The following DENND2B variants were observed in gnomAD, a reference collection of about 807,000 sequenced individuals.
The protein encoded by DENND2B is DENN domain-containing protein 2B.
DENND2B carries 32 observed loss-of-function variants against 116.0 expected under a neutral mutation model. The ratio of observed to expected loss-of-function variants is 0.28; its 90% CI spans 0.21 to 0.37. DENND2B has a LOEUF of 0.37. Among genes scored for constraint, DENND2B ranks in the 10% least tolerant of loss-of-function variants. The pLI, the probability that DENND2B is intolerant of heterozygous loss-of-function variation, is 1.00. For missense variants in DENND2B, 1,276 were observed against 1,477.7 expected (o/e 0.86, Z 2.24); for synonymous variants, 588 against 583.9 (o/e 1.01, Z -0.10).
chr11:8,872,456 C>T (rs1327528997), upstream of DENND2B, among the ~76,000 whole-genome samples: 1 of 145,362 alleles, frequency 6.9e-6, no homozygotes, highest in African/African-American at 2.5e-5. Flanking sequence ...CACTGCATTC[C>T]AGCCTGGGCA....
At chr11:8,833,459 C>T (rs2062296353) in intron 4 of DENND2B, among the ~76,000 whole-genome samples, 3 of 151,958 alleles carry the variant, frequency 2.0e-5, no homozygotes, top group African/African-American at 7.3e-5. Flanking sequence ...CCAGATGACA[C>T]TTCCCCTTCT....
chr11:8,836,133 G>T (rs889527866), intron 4 of DENND2B, among the ~76,000 whole-genome samples: 1 of 146,358 alleles, frequency 6.8e-6, no homozygotes, highest in African/African-American at 2.5e-5. Flanking sequence ...GGATCAGGAG[G>T]TCAGAATTTG....
Position 8,710,710 on chromosome 11 carries a change from G to C in DENND2B, c.2352+135C>G, listed in dbSNP as rs944671036. 9 of 935,154 alleles carry C rather than the reference G, an allele frequency of 9.6e-6. No individual in the cohort carries two copies. In the African/African-American group the frequency reaches 1.5e-4, roughly 16 times the overall value. 57.9% of individuals were successfully genotyped at this position (935,154 alleles called of 1,614,324 possible). On this transcript the variant is annotated intron_variant, in intron 11 of 19. Transcript: ENST00000313726. ...GGCAGGGGGTTCGGGGTGGCCTCAG[G>C]AAGCATAACATAGGATTTCATACAA... is the stretch of plus-strand genomic sequence containing the variant.
At chr11:8,855,418 A>G (rs926984278) in intron 3 of DENND2B, among the ~76,000 whole-genome samples, 2 of 150,648 alleles carry the variant, frequency 1.3e-5, no homozygotes. Context: ...ATTTAGCCTG[A>G]TGGATCATGA....
intron 4 of DENND2B, among the ~76,000 whole-genome samples, chr11:8,821,235 G>A (rs1314051495): frequency 1.3e-5 from 2 of 151,638 alleles, no homozygotes; most frequent in African/African-American, 4.8e-5. Context: ...AGAAAAGAGG[G>A]TGGGAGGAAA....
chr11:8,851,143 A>C (rs1331261531), intron 3 of DENND2B, among the ~76,000 whole-genome samples: 1 of 152,174 alleles, frequency 6.6e-6, no homozygotes, highest in African/African-American at 2.4e-5. Flanking sequence ...ATAACAATAC[A>C]TCACATACTT....
intron 1 of DENND2B, among the ~76,000 whole-genome samples, chr11:8,899,254 G>A (rs1337187368): frequency 6.6e-6 from 1 of 151,724 alleles, no homozygotes; most frequent in African/African-American, 2.4e-5. Context: ...TATAAGGAGA[G>A]TCCCAGAAAA....
At chr11:8,819,134 C>G (rs2134538193) in intron 4 of DENND2B, among the ~76,000 whole-genome samples, 1 of 152,120 alleles carries the variant, frequency 6.6e-6, no homozygotes, top group East Asian at 1.9e-4. Flanking sequence ...GTGGCTCATG[C>G]CTGTAATTCC....
chr11:8,730,332 A>G lies in DENND2B; in HGVS notation c.958T>C (p.Leu320=). 1 of 1,600,994 alleles carries G rather than the reference A, an allele frequency of 6.2e-7. No homozygotes were observed. The highest frequency in any genetic ancestry group is 8.5e-7 in the Non-Finnish European group (1 of 1,177,690). ...VDRGKRKTGT[L]GSLEEPAGGA... ...CCTGCCGGCTCCTCCAAGGAGCCCAAGGTTCCAGTCTTCCTTTTCCCCCGG... is the reference window on the plus strand; with the variant it reads ...CCTGCCGGCTCCTCCAAGGAGCCCAGGGTTCCAGTCTTCCTTTTCCCCCGG... Residue 320 remains leucine, a synonymous_variant, in exon 3 of 20, where the codon TTG becomes CTG. Coordinates refer to ENST00000313726, the MANE Select transcript of DENND2B (RefSeq NM_213618.2). This position sits in a 1 kb window ranked among gnomAD's most constrained non-coding sequence, Gnocchi z 4.1.
chr11:8,774,622 C>T (rs970872764), intron 1 of DENND2B, among the ~76,000 whole-genome samples: 3 of 152,162 alleles, frequency 2.0e-5, no homozygotes, highest in African/African-American at 4.8e-5. Flanking sequence ...CCATCCTGGC[C>T]CCACATGAAG....
intron 1 of DENND2B, among the ~76,000 whole-genome samples, chr11:8,752,160 A>C (rs1292263810): frequency 6.6e-6 from 1 of 152,206 alleles, no homozygotes; most frequent in Non-Finnish European, 1.5e-5. Context: ...AAAAAAAATT[A>C]AGCAAGGTTG....
chr11:8,811,696 A>G (rs1204705446), upstream of DENND2B: 4 of 183,532 alleles, frequency 2.2e-5, no homozygotes, highest in Non-Finnish European at 2.2e-5. Flanking sequence ...CACTGCACAG[A>G]TATTTTTATG....
In DENND2B at chr11:8,702,537, CCT is replaced by C. The variant is rs2041896215; in HGVS notation, c.2720+33_2720+34del. On this transcript the variant is annotated intron_variant, in intron 14 of 19. Coordinates refer to ENST00000313726, the MANE Select transcript of DENND2B (RefSeq NM_213618.2). The surrounding 1 kb of genome is among the most constrained non-coding windows in gnomAD (Gnocchi z 4.6). ...ATTCGCTTGTGGGTGTGCCTTCCCC[CCT>C]CCCTTCTGCTTTCTTGCCCGGCTGG... 1 of 1,606,828 alleles carries C rather than the reference CCT, an allele frequency of 6.2e-7. No individual in the cohort carries two copies. The highest frequency in any genetic ancestry group is 8.5e-7 in the Non-Finnish European group (1 of 1,179,912).
chr11:8,719,265 C>T lies in DENND2B; in HGVS notation c.1478-1373G>A, dbSNP rs2045701027. 1.5e-5 allele frequency: 15 copies of T among 980,326 alleles called. No homozygotes were observed. In the South Asian group the frequency reaches 6.6e-4, roughly 43 times the overall value. 60.7% of individuals were successfully genotyped at this position (980,326 alleles called of 1,614,324 possible). A position where few individuals can be genotyped will look rare whatever the true frequency, so the allele number is the denominator to read the frequency against. On this transcript the variant is annotated intron_variant, in intron 4 of 19. Coordinates refer to ENST00000313726, the MANE Select transcript of DENND2B (RefSeq NM_213618.2). ...CTCCATTTCCAAAGTGGAGCTCCCT[C>T]CACATTGTGGCATCTACTTATGCAG...
At chr11:8,778,918 T>C (rs182506310) in intron 1 of DENND2B, among the ~76,000 whole-genome samples, 2 of 152,368 alleles carry the variant, frequency 1.3e-5, no homozygotes, top group African/African-American at 4.8e-5. Context: ...AGTTCTACTT[T>C]CACGTCTTTC....
At chr11:8,801,917 G>A (rs11042074) in intron 1 of DENND2B, among the ~76,000 whole-genome samples, 31,387 of 148,752 alleles carry the variant, frequency 0.21, 3,461 homozygotes, top group South Asian at 0.34. Flanking sequence ...GCTTGAGCCA[G>A]GGAGGCAGAA....
At chr11:8,843,008 TG>T (rs2062677080) in intron 3 of DENND2B, among the ~76,000 whole-genome samples, 1 of 101,298 alleles carries the variant, frequency 9.9e-6, no homozygotes, top group African/African-American at 3.0e-5. Context: ...AAATTAGAGT[TG>T]CTCTTCTTTT....
chr11:8,799,986 C>T (rs2060182005), intron 1 of DENND2B, among the ~76,000 whole-genome samples: 1 of 150,868 alleles, frequency 6.6e-6, no homozygotes, highest in African/African-American at 2.4e-5. Context: ...CAGGATCTTG[C>T]TCTGTCACCC....
intron 1 of DENND2B, among the ~76,000 whole-genome samples, chr11:8,887,263 T>C (rs2134737063): frequency 6.6e-6 from 1 of 152,368 alleles, no homozygotes; most frequent in East Asian, 1.9e-4. Flanking sequence ...CTTCATTTTT[T>C]TCTAACTTCT....
Sources: gnomAD v4.1 joint callset for allele counts (sites outside exome capture counted in the v4.1 genomes callset) on GRCh38, gnomAD v4.1.1 for gene constraint, Gnocchi (gnomAD v3.1) non-coding constraint, MANE v1.5 for transcripts, NCBI Gene and HGNC (gene_info 2026-07-23, HGNC 2026-07-21) for gene names.